The following CREB5 variants were observed in gnomAD, a reference collection of about 807,000 sequenced individuals.
CREB5 encodes cAMP responsive element binding protein 5.
Under a neutral mutation model 57.1 loss-of-function variants are expected in CREB5, and 19 were observed. The observed-to-expected ratio is 0.33, with a 90% CI of 0.23 to 0.49. CREB5 has a LOEUF of 0.49. Among genes scored for constraint, CREB5 ranks in the 20% least tolerant of loss-of-function variants. The pLI, the probability that CREB5 is intolerant of heterozygous loss-of-function variation, is 0.99. For synonymous variants in CREB5, 238 were observed against 238.3 expected (o/e 1.00, Z 0.01); for missense variants, 579 against 671.6 (o/e 0.86, Z 1.52).
At chr7:28,520,791 G>A (rs149423558) in intron 4 of CREB5, among the ~76,000 whole-genome samples, 16 of 152,246 alleles carry the variant, frequency 1.1e-4, no homozygotes, top group African/African-American at 3.4e-4. Context: ...TACAGGGTTG[G>A]GTAATAAGAT....
intron 7 of CREB5, among the ~76,000 whole-genome samples, chr7:28,756,264 A>C (rs1805291466): frequency 6.6e-6 from 1 of 152,080 alleles, no homozygotes; most frequent in Non-Finnish European, 1.5e-5. Context: ...GCAAAAGTAC[A>C]TTGAGTGGCT....
intron 4 of CREB5, among the ~76,000 whole-genome samples, chr7:28,568,428 C>G (rs980135250): frequency 6.6e-6 from 1 of 152,060 alleles, no homozygotes; most frequent in African/African-American, 2.4e-5. Context: ...TTCTGACCTC[C>G]TCAAGACCCA....
At chr7:28,705,571 C>A (rs1357716926) in intron 5 of CREB5, among the ~76,000 whole-genome samples, 1 of 152,086 alleles carries the variant, frequency 6.6e-6, no homozygotes, top group Admixed American at 6.6e-5. Context: ...TGCCCATAAC[C>A]CTACCACAAA....
intron 7 of CREB5, among the ~76,000 whole-genome samples, chr7:28,786,443 T>C (rs1339071108): frequency 6.6e-6 from 1 of 152,154 alleles, no homozygotes; most frequent in Admixed American, 6.5e-5. Flanking sequence ...AAGATGGATT[T>C]TGCCATGTTG....
At chr7:28,483,159 T>C (rs574331190) in intron 1 of CREB5, among the ~76,000 whole-genome samples, 1 of 152,358 alleles carries the variant, frequency 6.6e-6, no homozygotes, top group South Asian at 2.1e-4. Flanking sequence ...CTGTCCACGT[T>C]TCAGTATCAT....
rs533216790 is a variant in CREB5 at position 28,373,716 on chromosome 7, G to A, written c.-25+74275G>A. ...ACTGGGATTACAGGTGTGAACCACC[G>A]TGTCCAGCCTAAATTTTCCTCTTAA... On this transcript the variant is annotated intron_variant, in intron 1 of 9. Transcript: ENST00000396299. 7.9e-5 allele frequency among the ~76,000 whole-genome samples: 12 copies of A among 151,850 alleles called. No homozygotes were observed. The South Asian group carries it at 8.3e-4, about 11-fold the overall frequency.
upstream of CREB5, among the ~76,000 whole-genome samples, chr7:28,407,889 C>G (rs752605401): frequency 6.6e-6 from 1 of 152,194 alleles, no homozygotes; most frequent in Non-Finnish European, 1.5e-5. Context: ...ACTGCACCGT[C>G]ATGGTTGTGA....
chr7:28,450,769 T>C (rs944277248), intron 1 of CREB5, among the ~76,000 whole-genome samples: 1 of 152,250 alleles, frequency 6.6e-6, no homozygotes, highest in African/African-American at 2.4e-5. Flanking sequence ...CAACGGATTA[T>C]AACATATATT....
intron 2 of CREB5, among the ~76,000 whole-genome samples, chr7:28,494,632 T>C (rs534409800): frequency 6.6e-6 from 1 of 152,324 alleles, no homozygotes; most frequent in South Asian, 2.1e-4. Flanking sequence ...TTTTCTGCAA[T>C]TGTAGTTAAC....
chr7:28,364,190 C>A (rs557079415), intron 1 of CREB5, among the ~76,000 whole-genome samples: 1 of 152,056 alleles, frequency 6.6e-6, no homozygotes, highest in African/African-American at 2.4e-5. Flanking sequence ...AACTTTTTGC[C>A]GGAAATCTTC....
chr7:28,327,214 T>C (rs1463325474), intron 1 of CREB5, among the ~76,000 whole-genome samples: 3 of 151,682 alleles, frequency 2.0e-5, no homozygotes, highest in Middle Eastern at 3.4e-3. Context: ...TTCTGGAATG[T>C]GGAGTAGGCA....
chr7:28,810,888 C>T (rs1431257671), intron 9 of CREB5, among the ~76,000 whole-genome samples: 1 of 152,082 alleles, frequency 6.6e-6, no homozygotes, highest in Non-Finnish European at 1.5e-5. Context: ...ATAAGGAAAG[C>T]ATGTGTTGTA....
In CREB5 at chr7:28,734,440, T is replaced by A. The variant is rs144764020; in HGVS notation, c.702+10108T>A. ...GTTTATATCATGCTTTTAAAAATGT[T>A]ATGAGTATTTTTTCCTATCAAGTAT... On this transcript the variant is annotated intron_variant, in intron 7 of 10. Transcript: ENST00000357727. 5.7e-3 allele frequency among the ~76,000 whole-genome samples: 865 copies of A among 152,246 alleles called. 5 individuals are homozygous for A. The highest frequency in any genetic ancestry group is 0.02 in the African/African-American group (821 of 41,570).
rs561797254 is a variant in CREB5 at position 28,466,638 on chromosome 7, C to A, written c.4-21537C>A. Among the ~76,000 whole-genome samples the A allele has an allele frequency of 2.0e-5, 3 of 152,212 alleles. No individual in the cohort carries two copies. The East Asian group carries it at 5.8e-4, about 29-fold the overall frequency. On this transcript the variant is annotated intron_variant, in intron 1 of 10. Transcript: ENST00000357727. ...AGCATTTCCAAACAAGTACTCCTGC[C>A]TCATCCCAAATATGCCCTGAATGGT...
intron 1 of CREB5, among the ~76,000 whole-genome samples, chr7:28,362,318 G>A (rs996711): frequency 0.45 from 68,478 of 151,942 alleles, 15,508 homozygotes; most frequent in East Asian, 0.54. Context: ...TTTTAATTTA[G>A]GTTGTTTCTC....
chr7:28,758,036 G>C (rs1430958626), intron 7 of CREB5, among the ~76,000 whole-genome samples: 1 of 152,170 alleles, frequency 6.6e-6, no homozygotes, highest in East Asian at 1.9e-4. Flanking sequence ...AGTAGTGTGG[G>C]CGCAGCAGCA....
At chr7:28,731,503 T>C (rs1285887081) in intron 7 of CREB5, among the ~76,000 whole-genome samples, 3 of 152,230 alleles carry the variant, frequency 2.0e-5, no homozygotes, top group Admixed American at 6.5e-5. Flanking sequence ...GTTCGGGGAT[T>C]CTTTTGGCAA....
At chr7:28,685,849 C>T (rs933543135) in intron 5 of CREB5, 7 of 323,704 alleles carry the variant, frequency 2.2e-5, no homozygotes, top group East Asian at 1.1e-4. Context: ...GAAGGCTCTC[C>T]GAGCCTGGAA....
chr7:28,615,936 G>A (rs766228606), intron 5 of CREB5: 20 of 152,190 alleles, frequency 1.3e-4, no homozygotes, highest in Non-Finnish European at 2.6e-4. Context: ...AATCAAGACT[G>A]TAATAAGGTT....
Sources: allele counts gnomAD v4.1 joint callset (sites outside exome capture counted in the v4.1 genomes callset), GRCh38; gene constraint gnomAD v4.1.1; transcripts MANE v1.5; gene names NCBI Gene and HGNC (gene_info 2026-07-23, HGNC 2026-07-21).